The following SLC38A3 variants were observed in gnomAD, a reference collection of about 807,000 sequenced individuals.
The protein encoded by SLC38A3 is sodium-coupled neutral amino acid transporter 3.
Under a neutral mutation model 59.5 loss-of-function variants are expected in SLC38A3, and 17 were observed. The observed-to-expected ratio is 0.29, with a 90% CI of 0.20 to 0.43. The LOEUF (loss-of-function observed/expected upper bound fraction) is 0.43. SLC38A3 is among the 20% of genes least tolerant of loss of function. The pLI is 1.00. For missense variants in SLC38A3, 454 were observed against 653.9 expected (o/e 0.69, Z 3.33); for synonymous variants, 238 against 260.3 (o/e 0.91, Z 0.82).
rs959621483 is a variant in SLC38A3 at position 50,218,756 on chromosome 3, G to A, written c.1161+39G>A. On this transcript the variant is annotated intron_variant, in intron 13 of 15. Transcript: ENST00000614032. This position sits in a 1 kb window ranked among gnomAD's most constrained non-coding sequence, Gnocchi z 5.8. ...CAGGTGGCTAGACTAGTGGCGGGAG[G>A]GGCTGATGGGGCCAACAGGCTGATG... 2 of 1,597,576 alleles carry A rather than the reference G, an allele frequency of 1.3e-6. No homozygotes were observed. Among genetic ancestry groups the A allele is most frequent in the African/African-American group, 2.7e-5 (2 of 74,652 alleles).
intron 14 of SLC38A3, 38 bp from the exon 15 acceptor site, chr3:50,219,843 G>A (rs756049194): frequency 1.2e-5 from 18 of 1,539,472 alleles, no homozygotes; most frequent in Admixed American, 1.8e-5. Context: ...TCAGTAGGAG[G>A]ATATGAGCCA....
intron 7 of SLC38A3, among the ~76,000 whole-genome samples, chr3:50,216,298 A>G (rs909569706): frequency 6.6e-5 from 10 of 152,218 alleles, no homozygotes; most frequent in African/African-American, 1.7e-4. Context: ...GCCCAGCCCG[A>G]GCAAGCAGAG....
In SLC38A3 at chr3:50,218,177, G is replaced by C. The variant is rs1351132019; in HGVS notation, c.936-93G>C. 2.1e-5 allele frequency: 23 copies of C among 1,110,636 alleles called. No individual in the cohort carries two copies. In the East Asian group the frequency reaches 3.6e-4, roughly 17 times the overall value. The allele number at this position is 1,110,636 out of a possible 1,614,324, so 68.8% of individuals were successfully genotyped here. The stretch of plus-strand genomic sequence containing the variant: ...GAGACTCCCTCAGATGCTGAATGGT[G>C]AAAGTATGGTGCCAGAGAGAGCTTG... On this transcript the variant is annotated intron_variant, in intron 11 of 15. Coordinates refer to ENST00000614032, the MANE Select transcript of SLC38A3 (RefSeq NM_006841.6). This position sits in a 1 kb window ranked among gnomAD's most constrained non-coding sequence, Gnocchi z 5.8.
At chr3:50,219,733 G>C (rs1699870011) in intron 14 of SLC38A3, 148 bp from the exon 15 acceptor site, 1 of 653,560 alleles carries the variant, frequency 1.5e-6, no homozygotes, top group Non-Finnish European at 2.7e-6. Flanking sequence ...GGGAGAGGCT[G>C]GTGGGCTAGA....
chr3:50,216,520 AG>A (rs1302314231), intron 7 of SLC38A3, among the ~76,000 whole-genome samples: 1 of 152,346 alleles, frequency 6.6e-6, no homozygotes, highest in East Asian at 1.9e-4. Context: ...AGGAACCGCA[AG>A]GAGCACAGGT....
At chr3:50,212,475 G>A (rs1374792399) in intron 1 of SLC38A3, among the ~76,000 whole-genome samples, 1 of 152,182 alleles carries the variant, frequency 6.6e-6, no homozygotes, top group African/African-American at 2.4e-5. Context: ...TGGGGTCAGG[G>A]GAGAAGGCTC....
intron 1 of SLC38A3, among the ~76,000 whole-genome samples, chr3:50,211,490 T>A: frequency 6.6e-6 from 1 of 151,018 alleles, no homozygotes; most frequent in East Asian, 2.0e-4. Context: ...CTTTCCTGTT[T>A]GACACCCCAG....
chr3:50,214,520 G>C lies in SLC38A3; in HGVS notation c.183+37G>C, dbSNP rs1277343705. 27 of 1,535,736 alleles carry C rather than the reference G, an allele frequency of 1.8e-5. No individual in the cohort carries two copies. Among genetic ancestry groups the C allele is most frequent in the Non-Finnish European group, 2.3e-5 (26 of 1,131,306 alleles). ...AGCAACGGGTTTTAGGGGACACTGTGGGGAGCTTGGATGCAGTAATGAGGT... is the reference window on the plus strand; with the variant it reads ...AGCAACGGGTTTTAGGGGACACTGTCGGGAGCTTGGATGCAGTAATGAGGT... On this transcript the variant is annotated intron_variant, in intron 3 of 15. Coordinates refer to ENST00000614032, the MANE Select transcript of SLC38A3 (RefSeq NM_006841.6). The surrounding 1 kb of genome is among the most constrained non-coding windows in gnomAD (Gnocchi z 6.0).
At position 50,214,389 on chromosome 3, in the gene SLC38A3, C is replaced by G. The variant is rs770830612; in HGVS notation, c.102-13C>G. The G allele has an allele frequency of 1.4e-5, 23 of 1,597,068 alleles. No individual in the cohort carries two copies. Among genetic ancestry groups the G allele is most frequent in the African/African-American group, 2.7e-5 (2 of 74,538 alleles). ...GCTGGAGCTGAGCCACCCACCCTGA[C>G]CTGTGCCTACAGGGTCGAGGACCCT... On this transcript the variant is annotated splice_polypyrimidine_tract_variant and intron_variant, in intron 2 of 15. Transcript: ENST00000614032. The surrounding 1 kb of genome is among the most constrained non-coding windows in gnomAD (Gnocchi z 6.0).
intron 1 of SLC38A3, among the ~76,000 whole-genome samples, chr3:50,210,434 C>T (rs534161086): frequency 2.0e-5 from 3 of 152,272 alleles, no homozygotes; most frequent in South Asian, 4.1e-4. Flanking sequence ...TGGTGCAAGT[C>T]GTCACCAAGG....
intron 14 of SLC38A3, among the ~76,000 whole-genome samples, chr3:50,219,314 C>T (rs1699865617): frequency 6.6e-6 from 1 of 152,190 alleles, no homozygotes; most frequent in Admixed American, 6.5e-5. Context: ...GCCCCAGGAT[C>T]ACTGGACTCC....
At chr3:50,210,671 GC>G (rs981666768) in intron 1 of SLC38A3, among the ~76,000 whole-genome samples, 10 of 152,338 alleles carry the variant, frequency 6.6e-5, no homozygotes, top group African/African-American at 2.2e-4. Flanking sequence ...CTCAACACCT[GC>G]CGAGGTGTGC....
rs587729027 is a variant in SLC38A3 at position 50,217,946 on chromosome 3, C to T, written c.885C>T (p.Phe295=). The T allele has an allele frequency of 9.3e-6, 15 of 1,614,040 alleles. No individual in the cohort carries two copies. The highest frequency in any genetic ancestry group is 3.3e-5 in the South Asian group (3 of 91,086). ...QTAYTIPIMA[F]AFVCHPEVLP... The stretch of plus-strand genomic sequence containing the variant: ...CATACACCATCCCCATCATGGCCTT[C>T]GCCTTCGTCTGCCACCCCGAGGTGC... The change falls in exon 11 of 16, where the codon TTC becomes TTT. Residue 295 remains phenylalanine (F), a synonymous_variant. Transcript: ENST00000614032. This position sits in a 1 kb window ranked among gnomAD's most constrained non-coding sequence, Gnocchi z 4.9.
Position 50,214,979 on chromosome 3 carries a change from G to T in SLC38A3, c.299+211G>T. On this transcript the variant is annotated intron_variant, in intron 4 of 15. Coordinates refer to ENST00000614032, the MANE Select transcript of SLC38A3 (RefSeq NM_006841.6). This position sits in a 1 kb window ranked among gnomAD's most constrained non-coding sequence, Gnocchi z 6.0. ...ACCGACTGAGGTCACAACACAGGCC[G>T]GTCTTACAGGCCAGAGACTGTCCTT... 1.7e-6 allele frequency: 1 copy of T among 599,672 alleles called. No homozygotes were observed. Among genetic ancestry groups the T allele is most frequent in the Admixed American group, 3.0e-5 (1 of 33,146 alleles). 37.1% of individuals were successfully genotyped at this position (599,672 alleles called of 1,614,324 possible).
intron 1 of SLC38A3, among the ~76,000 whole-genome samples, chr3:50,209,043 G>A (rs993271822): frequency 2.6e-5 from 4 of 152,184 alleles, no homozygotes; most frequent in Non-Finnish European, 4.4e-5. Flanking sequence ...ATATTTGGCC[G>A]CCTCCAGGGG....
chr3:50,217,299 CT>C lies in SLC38A3; in HGVS notation c.611del (p.Leu204ArgfsTer3). ...TGTCTCTGTCACCATCATTCTGCCC[CT>C]GGCACTGATGCGGCAGCTTGGTGAG... is the stretch of plus-strand genomic sequence containing the variant. ...ILVSVTIILP[L>X]ALMRQLGYLG... On this transcript the variant is annotated frameshift_variant, in exon 8 of 16. Coordinates refer to ENST00000614032, the MANE Select transcript of SLC38A3 (RefSeq NM_006841.6). LOFTEE classifies it high-confidence loss of function. The surrounding 1 kb of genome is among the most constrained non-coding windows in gnomAD (Gnocchi z 4.9). The C allele has an allele frequency of 6.2e-7, 1 of 1,613,726 alleles. No individual in the cohort carries two copies.
Position 50,219,994 on chromosome 3 carries a change from G to C in SLC38A3, c.1410+10G>C. The C allele has an allele frequency of 1.2e-6, 2 of 1,608,918 alleles. No individual in the cohort carries two copies. Among genetic ancestry groups the C allele is most frequent in the Non-Finnish European group, 1.7e-6 (2 of 1,177,478 alleles). ...CACCCCCAAAATCCTGGTGCGAGGG[G>C]CCTGGAGGCCGGTGGGCTGGTATGG... On this transcript the variant is annotated intron_variant, in intron 15 of 15. Transcript: ENST00000614032.
At chr3:50,219,807 T>C in intron 14 of SLC38A3, 74 bp from the exon 15 acceptor site, 1 of 1,248,866 alleles carries the variant, frequency 8.0e-7, no homozygotes, top group Non-Finnish European at 1.1e-6. Flanking sequence ...TTTGATCTCA[T>C]TGAAGAGTCC....
At chr3:50,208,122 C>T (rs751585603) in intron 1 of SLC38A3, among the ~76,000 whole-genome samples, 17 of 152,332 alleles carry the variant, frequency 1.1e-4, no homozygotes, top group Admixed American at 5.2e-4. Flanking sequence ...GGTGCAGCAG[C>T]CTTTTTGTGG....
Sources: gnomAD v4.1 joint callset for allele counts (sites outside exome capture counted in the v4.1 genomes callset) on GRCh38, gnomAD v4.1.1 for gene constraint, Gnocchi (gnomAD v3.1) non-coding constraint, MANE v1.5 for transcripts, NCBI Gene and HGNC (gene_info 2026-07-23, HGNC 2026-07-21) for gene names.